Variants in TANC2 observed in about 807,000 individuals in gnomAD.
The protein encoded by TANC2 is tetratricopeptide repeat, ankyrin repeat and coiled-coil containing 2.
Under a neutral mutation model 210.5 loss-of-function variants are expected in TANC2, and 26 were observed. The observed-to-expected ratio is 0.12, with a 90% CI of 0.09 to 0.17. The LOEUF is 0.17. Ranked by LOEUF, TANC2 falls within the 10% of genes least tolerant of loss-of-function variation. The probability of loss-of-function intolerance (pLI) is 1.00; values close to 1 mark genes in which losing one functional copy is unlikely to be tolerated. For missense variants in TANC2, 2,129 were observed against 2,608.9 expected (o/e 0.82, Z 4.01); for synonymous variants, 931 against 967.1 (o/e 0.96, Z 0.69).
intron 9 of TANC2, among the ~76,000 whole-genome samples, chr17:63,298,205 A>G (rs183780668): frequency 6.6e-6 from 1 of 152,344 alleles, no homozygotes; most frequent in East Asian, 1.9e-4. Context: ...ATTTTTAAGT[A>G]TCTACCACAA....
chr17:63,060,640 A>T (rs1320179066), intron 2 of TANC2, among the ~76,000 whole-genome samples: 1 of 152,080 alleles, frequency 6.6e-6, no homozygotes, highest in East Asian at 1.9e-4. Context: ...ACAAGTCCTC[A>T]TTTAATCTTA....
intron 9 of TANC2, among the ~76,000 whole-genome samples, chr17:63,297,356 T>C (rs1179611133): frequency 6.6e-6 from 1 of 151,162 alleles, no homozygotes; most frequent in African/African-American, 2.5e-5. Flanking sequence ...GATACTGGCA[T>C]AGGAATACAC....
intron 5 of TANC2, among the ~76,000 whole-genome samples, chr17:63,173,097 G>A (rs888615298): frequency 3.9e-5 from 6 of 152,066 alleles, no homozygotes; most frequent in African/African-American, 1.4e-4. Flanking sequence ...GAGGGAAAGG[G>A]AATAAATGTA....
Position 63,418,531 on chromosome 17 carries a change from C to T in TANC2, c.4268+124C>T. 1.2e-6 allele frequency: 1 copy of T among 836,038 alleles called. No individual in the cohort carries two copies. The highest frequency in any genetic ancestry group is 1.8e-6 in the Non-Finnish European group (1 of 541,030). The allele number at this position is 836,038 out of a possible 1,614,324, so 51.8% of individuals were successfully genotyped here. A position where few individuals can be genotyped will look rare whatever the true frequency, so the allele number is the denominator to read the frequency against. On this transcript the variant is annotated intron_variant, in intron 27 of 27. Coordinates refer to ENST00000689528, the Ensembl canonical transcript of TANC2. The surrounding 1 kb of genome is among the most constrained non-coding windows in gnomAD (Gnocchi z 4.6). ...CTCTGTCCTTGAGAACTGTCAGGGC[C>T]AAGCTTTGGGGATGGCTCCCATAGC...
At chr17:63,405,746 G>A (rs759743640) in intron 20 of TANC2, among the ~76,000 whole-genome samples, 30 of 152,182 alleles carry the variant, frequency 2.0e-4, no homozygotes, top group Admixed American at 8.5e-4. Flanking sequence ...AAAGGCTGTA[G>A]AAGCCAAACA....
At chr17:63,358,193 T>C (rs1428390061) in intron 14 of TANC2, among the ~76,000 whole-genome samples, 3 of 152,212 alleles carry the variant, frequency 2.0e-5, no homozygotes, top group Non-Finnish European at 4.4e-5. Context: ...AGGTTAATGC[T>C]ACAGCTGAGA....
intron 5 of TANC2, among the ~76,000 whole-genome samples, chr17:63,180,431 G>C (rs2040741057): frequency 6.6e-6 from 1 of 152,176 alleles, no homozygotes; most frequent in Non-Finnish European, 1.5e-5. Context: ...GTTAAAAGGA[G>C]GGAAGGATGA....
chr17:63,194,499 A>C (rs1007178353), intron 6 of TANC2, among the ~76,000 whole-genome samples: 1 of 152,240 alleles, frequency 6.6e-6, no homozygotes, highest in Non-Finnish European at 1.5e-5. Flanking sequence ...ACAAATTTCC[A>C]AAGATTCCAG....
At chr17:63,267,925 C>T in intron 9 of TANC2, 52 bp downstream of exon 9, 2 of 1,549,298 alleles carry the variant, frequency 1.3e-6, no homozygotes, top group Non-Finnish European at 1.7e-6. Context: ...TGGAAATGGG[C>T]AAAAGCCAAA....
chr17:63,318,964 T>C (rs1184087278), exon 11 of TANC2: 11 of 1,612,880 alleles, frequency 6.8e-6, no homozygotes, highest in Middle Eastern at 3.8e-4. Context: ...CAGATGTGGA[T>C]GCCAACAGAG....
chr17:63,422,396 T>C (rs2049047834), exon 28 of TANC2: 1 of 178,002 alleles, frequency 5.6e-6, no homozygotes, highest in South Asian at 1.2e-4. Context: ...TTTGCATCCT[T>C]AGCCAGTGTC....
intron 8 of TANC2, among the ~76,000 whole-genome samples, chr17:63,266,075 G>A (rs1345152986): frequency 6.6e-6 from 1 of 152,072 alleles, no homozygotes; most frequent in Non-Finnish European, 1.5e-5. Flanking sequence ...GAAATATGGT[G>A]TATCAAGAGA....
intron 21 of TANC2, among the ~76,000 whole-genome samples, chr17:63,408,334 GAAAGA>G (rs1484857138): frequency 6.6e-6 from 1 of 152,202 alleles, no homozygotes; most frequent in Non-Finnish European, 1.5e-5. Context: ...AACTGCATGA[GAAAGA>G]AAAGAGAGAA....
chr17:63,377,748 T>C (rs1278828728), intron 14 of TANC2, among the ~76,000 whole-genome samples: 3 of 152,210 alleles, frequency 2.0e-5, no homozygotes, highest in Non-Finnish European at 4.4e-5. Context: ...ACCAACTTAC[T>C]GTATTAGTCC....
chr17:63,322,144 C>T (rs758675248), intron 11 of TANC2, among the ~76,000 whole-genome samples: 2 of 152,256 alleles, frequency 1.3e-5, no homozygotes, highest in African/African-American at 2.4e-5. Context: ...CAATTCATTG[C>T]GAAGTCATTG....
At chr17:62,969,034 G>A (rs920714216) in intron 1 of TANC2, among the ~76,000 whole-genome samples, 1 of 151,706 alleles carries the variant, frequency 6.6e-6, no homozygotes, top group African/African-American at 2.4e-5. Context: ...GGGAAAAGTC[G>A]GCCCTCAATA....
At chr17:63,171,887 A>G (rs1192734570) in intron 5 of TANC2, among the ~76,000 whole-genome samples, 1 of 152,238 alleles carries the variant, frequency 6.6e-6, no homozygotes. Context: ...TTTCTTTTAC[A>G]TGTCTTAAAG....
At chr17:63,257,812 A>G (rs1220024765) in intron 8 of TANC2, among the ~76,000 whole-genome samples, 1 of 152,188 alleles carries the variant, frequency 6.6e-6, no homozygotes, top group Non-Finnish European at 1.5e-5. Flanking sequence ...TATTGTTTCT[A>G]TTTATATCTT....
At chr17:63,314,833 C>T (rs796886954) in intron 10 of TANC2, among the ~76,000 whole-genome samples, 164 bp downstream of exon 10, 7 of 152,306 alleles carry the variant, frequency 4.6e-5, no homozygotes, top group African/African-American at 1.7e-4. Context: ...ACTCTATTTA[C>T]ATCTAACCCA....
Sources: allele counts gnomAD v4.1 joint callset (sites outside exome capture counted in the v4.1 genomes callset), GRCh38; gene constraint gnomAD v4.1.1; non-coding constraint Gnocchi (gnomAD v3.1); transcripts MANE v1.5; gene names NCBI Gene and HGNC (gene_info 2026-07-23, HGNC 2026-07-21).